The following ZNF277 variants were observed in gnomAD, a reference collection of about 807,000 sequenced individuals.
ZNF277 encodes the protein nuclear receptor-interacting factor 4.
Under a neutral mutation model 60.7 loss-of-function variants are expected in ZNF277, and 55 were observed. The observed-to-expected ratio is 0.91, with a 90% CI of 0.73 to 1.13. The LOEUF (loss-of-function observed/expected upper bound fraction) is 1.13, where lower values mean the gene tolerates loss of function less well. ZNF277 is among the 50% of genes most tolerant of loss of function. ZNF277 has a pLI of 0.00. For missense variants in ZNF277, 510 were observed against 523.0 expected (o/e 0.98, Z 0.24); for synonymous variants, 178 against 179.3 (o/e 0.99, Z 0.06).
At chr7:112,244,349 A>T (rs1302322919) in intron 1 of ZNF277, among the ~76,000 whole-genome samples, 3 of 152,158 alleles carry the variant, frequency 2.0e-5, no homozygotes, top group Non-Finnish European at 4.4e-5. Flanking sequence ...ACAGTGACCT[A>T]TTAAGCCTAA....
intron 1 of ZNF277, among the ~76,000 whole-genome samples, chr7:112,265,774 G>A (rs1283699190): frequency 6.6e-6 from 1 of 152,140 alleles, no homozygotes; most frequent in Non-Finnish European, 1.5e-5. Flanking sequence ...AGTGAACTAT[G>A]TGTTCAGTTT....
At chr7:112,330,458 A>C in intron 7 of ZNF277, 2 of 448,082 alleles carry the variant, frequency 4.5e-6, no homozygotes, top group Non-Finnish European at 3.9e-6. Context: ...AGTCATCTTG[A>C]CCAAAAAAAA....
intron 1 of ZNF277, among the ~76,000 whole-genome samples, chr7:112,241,834 G>A (rs1790961557): frequency 6.6e-6 from 1 of 152,036 alleles, no homozygotes; most frequent in African/African-American, 2.4e-5. Flanking sequence ...AGAATAGAAT[G>A]ATGGTTACCA....
At chr7:112,295,503 T>C (rs1792303452) in intron 2 of ZNF277, among the ~76,000 whole-genome samples, 16 of 152,152 alleles carry the variant, frequency 1.1e-4, no homozygotes, top group Admixed American at 1.0e-3. Context: ...GAGTGTGTCA[T>C]AGCCTATTTA....
chr7:112,259,973 G>T (rs1211874960), intron 1 of ZNF277, among the ~76,000 whole-genome samples: 2 of 152,196 alleles, frequency 1.3e-5, no homozygotes, highest in African/African-American at 4.8e-5. Context: ...TGAGATATAA[G>T]TATAAAAGCT....
intron 5 of ZNF277, among the ~76,000 whole-genome samples, chr7:112,324,062 T>C (rs545121329): frequency 3.3e-5 from 5 of 152,318 alleles, no homozygotes; most frequent in African/African-American, 1.2e-4. Context: ...TTAAGGACCA[T>C]TGTGAATGTG....
At chr7:112,299,111 C>G (rs1792417572) in intron 4 of ZNF277, among the ~76,000 whole-genome samples, 1 of 152,150 alleles carries the variant, frequency 6.6e-6, no homozygotes, top group Admixed American at 6.6e-5. Context: ...ACTTGCCAAA[C>G]AGCAGGAAGA....
chr7:112,283,656 G>C (rs1791997627), intron 1 of ZNF277, among the ~76,000 whole-genome samples: 1 of 152,134 alleles, frequency 6.6e-6, no homozygotes, highest in South Asian at 2.1e-4. Context: ...TCATATGTGT[G>C]AATATTTAGG....
At chr7:112,209,708 C>G (rs1047623604) in intron 1 of ZNF277, among the ~76,000 whole-genome samples, 1 of 152,040 alleles carries the variant, frequency 6.6e-6, no homozygotes, top group African/African-American at 2.4e-5. Flanking sequence ...TTTTCAAAGC[C>G]AACAAGGTGT....
chr7:112,230,000 G>A (rs1360996233), intron 1 of ZNF277, among the ~76,000 whole-genome samples: 2 of 150,166 alleles, frequency 1.3e-5, no homozygotes, highest in African/African-American at 4.8e-5. Context: ...AGGAGACAAG[G>A]CTAGAGAAGG....
intron 4 of ZNF277, among the ~76,000 whole-genome samples, chr7:112,302,060 G>A (rs922651681): frequency 9.2e-5 from 14 of 152,042 alleles, no homozygotes; most frequent in African/African-American, 1.4e-4. Context: ...GTAGCAAGAC[G>A]TAACTTAACT....
At chr7:112,229,837 G>C (rs1822275147) in intron 1 of ZNF277, among the ~76,000 whole-genome samples, 1 of 152,204 alleles carries the variant, frequency 6.6e-6, no homozygotes, top group African/African-American at 2.4e-5. Context: ...TAGGCAGTTA[G>C]GGTAGGCTTC....
In ZNF277 at chr7:112,286,887, A is replaced by G; in HGVS notation, c.106A>G (p.Ile36Val). The G allele has an allele frequency of 1.3e-6, 2 of 1,535,508 alleles. No homozygotes were observed. Among genetic ancestry groups the G allele is most frequent in the Non-Finnish European group, 1.8e-6 (2 of 1,139,216 alleles). The part of the protein sequence containing the change: ...GVGYGDSKDC[I>V]LEPLSLPESP... ...GTCTATTCCAGACAGTAAGGATTGT[A>G]TCCTGGAGCCGCTTTCCCTGCCAGA... is the stretch of plus-strand genomic sequence containing the variant. The change falls in exon 2 of 12, where the codon ATC becomes GTC. Residue 36 changes from isoleucine (I) to valine (V), a missense_variant. Physicochemically the swap from Ile to Val is conservative, Grantham distance 29 (BLOSUM62 3). Transcript: ENST00000361822.
chr7:112,341,354 C>G (rs1250101613), intron 11 of ZNF277, among the ~76,000 whole-genome samples: 1 of 152,172 alleles, frequency 6.6e-6, no homozygotes, highest in Non-Finnish European at 1.5e-5. Flanking sequence ...AAATATCTTT[C>G]AATAGCCAGT....
chr7:112,343,150 A>G lies in ZNF277; in HGVS notation c.*421A>G, dbSNP rs1420992954. On this transcript the variant is annotated 3_prime_UTR_variant, in exon 12 of 12. Transcript: ENST00000361822. ...TCATCCAACAAGTTGCAAAATTTGAATATCCCTTCTGTACTATATTGGGTG... is the reference window on the plus strand; with the variant it reads ...TCATCCAACAAGTTGCAAAATTTGAGTATCCCTTCTGTACTATATTGGGTG... 6.4e-6 allele frequency: 1 copy of G among 155,658 alleles called. No homozygotes were observed. The highest frequency in any genetic ancestry group is 1.4e-5 in the Non-Finnish European group (1 of 70,342). The allele number at this position is 155,658 out of a possible 1,614,324, so 9.6% of individuals were successfully genotyped here. A position where few individuals can be genotyped will look rare whatever the true frequency, so the allele number is the denominator to read the frequency against.
At chr7:112,208,310 G>A (rs536794343) in intron 1 of ZNF277, among the ~76,000 whole-genome samples, 2 of 152,246 alleles carry the variant, frequency 1.3e-5, no homozygotes, top group African/African-American at 4.8e-5. Context: ...GGGAGGCGGA[G>A]GTTGTGGTGA....
intron 1 of ZNF277, among the ~76,000 whole-genome samples, chr7:112,208,922 G>A (rs1255828405): frequency 6.6e-6 from 1 of 151,898 alleles, no homozygotes; most frequent in African/African-American, 2.4e-5. Flanking sequence ...CTCGTGATCC[G>A]CCCGTCTCGG....
intron 4 of ZNF277, among the ~76,000 whole-genome samples, chr7:112,307,358 T>G (rs1364928369): frequency 6.6e-6 from 1 of 152,110 alleles, no homozygotes; most frequent in Non-Finnish European, 1.5e-5. Flanking sequence ...AGAATTCAGT[T>G]TGTCTAGTTG....
intron 1 of ZNF277, among the ~76,000 whole-genome samples, chr7:112,222,417 G>C (rs7783041): frequency 0.043 from 6,482 of 152,194 alleles, 328 homozygotes; most frequent in African/African-American, 0.12. Flanking sequence ...GTCTTGCTAG[G>C]TTCTATGTGT....
Sources: gnomAD v4.1 joint callset for allele counts (sites outside exome capture counted in the v4.1 genomes callset) on GRCh38, gnomAD v4.1.1 for gene constraint, MANE v1.5 for transcripts, NCBI Gene and HGNC (gene_info 2026-07-23, HGNC 2026-07-21) for gene names.